SOX6: variants seen among roughly 807,000 people sequenced by gnomAD.
SOX6 encodes the protein SRY-box transcription factor 6, also known as transcription factor SOX-6.
SOX6 carries 11 observed loss-of-function variants against 97.8 expected under a neutral mutation model. That is an observed-to-expected ratio of 0.11 (90% CI 0.07 to 0.19). SOX6 has a LOEUF of 0.19. Ranked by LOEUF, SOX6 falls within the 10% of genes least tolerant of loss-of-function variation. SOX6 has a pLI of 1.00. For missense variants in SOX6, 810 were observed against 1,039.5 expected (o/e 0.78, Z 3.04); for synonymous variants, 360 against 371.4 (o/e 0.97, Z 0.35).
At chr11:16,595,179 G>C (rs2133974639) in intron 4 of SOX6, among the ~76,000 whole-genome samples, 1 of 151,958 alleles carries the variant, frequency 6.6e-6, no homozygotes, top group Admixed American at 6.6e-5. Context: ...TTAATGTAGA[G>C]ATTTCATCAT....
chr11:16,229,093 A>T (rs919214254), intron 4 of SOX6, among the ~76,000 whole-genome samples: 3 of 152,072 alleles, frequency 2.0e-5, no homozygotes, highest in African/African-American at 7.2e-5. Flanking sequence ...CATCACATAG[A>T]ATTTTCCAAT....
rs1274375949 is a variant in SOX6 at position 16,049,781 on chromosome 11, C to T, written c.1409G>A (p.Gly470Glu). The change falls in exon 11 of 16, where the codon GGA becomes GAA. Residue 470 changes from glycine to glutamate, a missense_variant. Physicochemically the swap from Gly to Glu is moderately conservative, Grantham distance 98. Transcript: ENST00000683767. ...TAAAGAGGATCCTCTTCCCAGGCTT[C>T]CTCCAATGGGGCTAGGGATGCTGCT... ...NKSSIPSPIG[G>E]SLGRGSSLDI... The T allele has an allele frequency of 6.2e-7, 1 of 1,613,510 alleles. No individual in the cohort carries two copies. The highest frequency in any genetic ancestry group is 8.5e-7 in the Non-Finnish European group (1 of 1,179,814).
At chr11:16,558,595 C>G (rs182798153) in intron 4 of SOX6, among the ~76,000 whole-genome samples, 32 of 152,110 alleles carry the variant, frequency 2.1e-4, no homozygotes, top group African/African-American at 7.2e-4. Flanking sequence ...TCTTCTTTCT[C>G]AAGACTTCCA....
At chr11:16,175,043 C>T (rs1417578855) in intron 6 of SOX6, among the ~76,000 whole-genome samples, 1 of 151,916 alleles carries the variant, frequency 6.6e-6, no homozygotes, top group Non-Finnish European at 1.5e-5. Flanking sequence ...TCTCGTTTGG[C>T]AGCCAGGGAA....
chr11:16,015,270 C>G, intron 12 of SOX6: 1 of 573,562 alleles, frequency 1.7e-6, no homozygotes, highest in South Asian at 2.0e-5. Flanking sequence ...GAAAGGAAAG[C>G]TGTGACAGGG....
At chr11:16,215,311 T>C (rs1285963141) in intron 4 of SOX6, among the ~76,000 whole-genome samples, 1 of 152,202 alleles carries the variant, frequency 6.6e-6, no homozygotes, top group Non-Finnish European at 1.5e-5. Context: ...ATGGGAATAG[T>C]AGTAAGGAGT....
At chr11:16,422,136 C>T (rs943019932) in intron 1 of SOX6, among the ~76,000 whole-genome samples, 4 of 152,108 alleles carry the variant, frequency 2.6e-5, no homozygotes, top group Admixed American at 1.3e-4. Context: ...TATCACTTTC[C>T]TTGCAGTTGG....
intron 4 of SOX6, among the ~76,000 whole-genome samples, chr11:16,604,727 C>T (rs1040998085): frequency 6.6e-6 from 1 of 152,252 alleles, no homozygotes; most frequent in Non-Finnish European, 1.5e-5. Context: ...CCCGCCAGTT[C>T]AGTCGAAGAC....
intron 4 of SOX6, among the ~76,000 whole-genome samples, chr11:16,558,022 TA>T (rs1332382655): frequency 6.6e-6 from 1 of 151,932 alleles, no homozygotes; most frequent in Non-Finnish European, 1.5e-5. Context: ...GCCAAACATC[TA>T]AAATATTTTT....
At chr11:16,144,792 T>G (rs1850245734) in intron 6 of SOX6, among the ~76,000 whole-genome samples, 1 of 152,114 alleles carries the variant, frequency 6.6e-6, no homozygotes, top group Admixed American at 6.6e-5. Flanking sequence ...CTCCCAAGAC[T>G]AAACCCAGAA....
intron 6 of SOX6, among the ~76,000 whole-genome samples, chr11:16,138,030 A>T (rs767403131): frequency 6.6e-6 from 1 of 152,220 alleles, no homozygotes; most frequent in African/African-American, 2.4e-5. Flanking sequence ...TAGCAGCATG[A>T]GAAGAGACTA....
At chr11:16,726,282 G>A (rs1019024063) in intron 2 of SOX6, among the ~76,000 whole-genome samples, 19 of 152,322 alleles carry the variant, frequency 1.2e-4, no homozygotes, top group Middle Eastern at 3.4e-3. Flanking sequence ...GGTGGTGCAC[G>A]CCTGTAATCC....
At chr11:16,422,625 C>T (rs1454335376) in intron 1 of SOX6, among the ~76,000 whole-genome samples, 3 of 152,284 alleles carry the variant, frequency 2.0e-5, no homozygotes, top group African/African-American at 7.2e-5. Flanking sequence ...TACCATTATA[C>T]ACTTTATTCA....
chr11:16,222,506 A>T (rs1195999786), intron 4 of SOX6, among the ~76,000 whole-genome samples: 1 of 152,118 alleles, frequency 6.6e-6, no homozygotes, highest in East Asian at 1.9e-4. Flanking sequence ...GAGCCACTGC[A>T]GTTGGCCCTA....
chr11:16,340,723 C>T (rs946892111), intron 2 of SOX6, among the ~76,000 whole-genome samples: 1 of 151,966 alleles, frequency 6.6e-6, no homozygotes, highest in African/African-American at 2.4e-5. Context: ...AAGTTAACCA[C>T]CTTAAATTCA....
At position 16,015,131 on chromosome 11, in the gene SOX6, G is replaced by A. The variant is rs1854846942; in HGVS notation, c.1624-81C>T. 4 of 1,158,598 alleles carry A rather than the reference G, an allele frequency of 3.5e-6. No homozygotes were observed. The South Asian group carries it at 3.8e-5, about 11-fold the overall frequency. 71.8% of individuals were successfully genotyped at this position (1,158,598 alleles called of 1,614,324 possible). A position where few individuals can be genotyped will look rare whatever the true frequency, so the allele number is the denominator to read the frequency against. On this transcript the variant is annotated intron_variant, in intron 12 of 15. Transcript: ENST00000683767. ...CTTCCAGTTTCTATCTTGCTTAATG[G>A]CCAAAAGGTGAATTCAAAAATATCA...
At chr11:16,561,979 G>C (rs1349079343) in intron 4 of SOX6, among the ~76,000 whole-genome samples, 1 of 151,652 alleles carries the variant, frequency 6.6e-6, no homozygotes, top group Non-Finnish European at 1.5e-5. Context: ...CACCCGCCTT[G>C]GTCTCCCAAA....
chr11:16,131,636 T>C (rs1849741732), intron 6 of SOX6, among the ~76,000 whole-genome samples: 1 of 136,380 alleles, frequency 7.3e-6, no homozygotes, highest in South Asian at 2.3e-4. Context: ...AGACTTGCAA[T>C]AGTACTCCTA....
At chr11:16,410,715 T>C (rs1483556096) in intron 1 of SOX6, among the ~76,000 whole-genome samples, 1 of 136,726 alleles carries the variant, frequency 7.3e-6, no homozygotes, top group Admixed American at 8.2e-5. Flanking sequence ...GTCATGATCA[T>C]GCCACTGCAC....
Sources: allele counts gnomAD v4.1 joint callset (sites outside exome capture counted in the v4.1 genomes callset), GRCh38; gene constraint gnomAD v4.1.1; transcripts MANE v1.5; gene names NCBI Gene and HGNC (gene_info 2026-07-23, HGNC 2026-07-21).